UBTD2: variants seen among roughly 807,000 people sequenced by gnomAD.
UBTD2 encodes ubiquitin domain containing 2.
Under a neutral mutation model 19.8 loss-of-function variants are expected in UBTD2, and 9 were observed. That is an observed-to-expected ratio of 0.46 (90% confidence interval 0.27 to 0.79). UBTD2 has a LOEUF of 0.79. UBTD2 is among the 30% of genes least tolerant of loss of function. The probability of loss-of-function intolerance (pLI) is 0.14; values close to 1 mark genes in which losing one functional copy is unlikely to be tolerated. For missense variants in UBTD2, 250 were observed against 300.4 expected (o/e 0.83, Z 1.24); for synonymous variants, 98 against 103.9 (o/e 0.94, Z 0.35).
rs551035621 is a variant in UBTD2 at position 172,283,210 on chromosome 5, G to C, written c.70+386C>G. 2.6e-5 allele frequency among the ~76,000 whole-genome samples: 4 copies of C among 152,074 alleles called. No individual in the cohort carries two copies. Among genetic ancestry groups the C allele is most frequent in the Non-Finnish European group, 4.4e-5 (3 of 68,004 alleles). On this transcript the variant is annotated intron_variant, in intron 1 of 2. Coordinates refer to ENST00000393792, the MANE Select transcript of UBTD2 (RefSeq NM_152277.3). The surrounding 1 kb of genome is among the most constrained non-coding windows in gnomAD (Gnocchi z 4.3). ...TGTGGCGGGGCCCGTCGGAGGGAAC[G>C]CATCAAGCTCCCTCCCCCCGCCATC...
intron 1 of UBTD2, among the ~76,000 whole-genome samples, chr5:172,241,142 G>A (rs958504946): frequency 6.6e-6 from 1 of 151,752 alleles, no homozygotes; most frequent in African/African-American, 2.4e-5. Context: ...GGCCGGGCAC[G>A]GTGGCTCACA....
intron 1 of UBTD2, among the ~76,000 whole-genome samples, chr5:172,269,729 C>T (rs1010692532): frequency 6.0e-5 from 8 of 133,138 alleles, no homozygotes; most frequent in Admixed American, 1.5e-4. Context: ...CAAACATATA[C>T]ATGTGCATGT....
intron 1 of UBTD2, among the ~76,000 whole-genome samples, chr5:172,271,992 T>C (rs547234406): frequency 1.9e-4 from 29 of 152,338 alleles, no homozygotes; most frequent in African/African-American, 5.8e-4. Flanking sequence ...GTAAATATAA[T>C]TATGACCTCA....
At position 172,283,395 on chromosome 5, in the gene UBTD2, G is replaced by C. The variant is rs1190547154; in HGVS notation, c.70+201C>G. Among the ~76,000 whole-genome samples the C allele has an allele frequency of 6.6e-6, 1 of 152,124 alleles. No homozygotes were observed. Among genetic ancestry groups the C allele is most frequent in the Non-Finnish European group, 1.5e-5 (1 of 67,998 alleles). On this transcript the variant is annotated intron_variant, in intron 1 of 2. Transcript: ENST00000393792. This position sits in a 1 kb window ranked among gnomAD's most constrained non-coding sequence, Gnocchi z 4.3. ...AAGGGCTACGTCCCCGGCGCTCAGA[G>C]GACTTTTCTTCAGGGCTGGGGCGGG... is the stretch of plus-strand genomic sequence containing the variant.
chr5:172,276,523 C>T (rs1210203296), intron 1 of UBTD2, among the ~76,000 whole-genome samples: 3 of 152,176 alleles, frequency 2.0e-5, no homozygotes, highest in African/African-American at 7.2e-5. Context: ...CCAAACAAAG[C>T]ATGTTTGTTG....
Position 172,211,725 on chromosome 5 carries a change from G to C in UBTD2, c.*105C>G. 8.1e-7 allele frequency: 1 copy of C among 1,240,664 alleles called. No homozygotes were observed. The highest frequency in any genetic ancestry group is 1.5e-5 in the African/African-American group (1 of 66,530). The allele number at this position is 1,240,664 out of a possible 1,614,324, so 76.9% of individuals were successfully genotyped here. On this transcript the variant is annotated 3_prime_UTR_variant, in exon 3 of 3. Transcript: ENST00000393792. Reference sequence around the variant, plus strand: ...TCCTCAGAACTAAATCCATTCATAGGGAATTTAGAGCAGTGAAATAGATTT... The same window carrying C: ...TCCTCAGAACTAAATCCATTCATAGCGAATTTAGAGCAGTGAAATAGATTT...
chr5:172,218,558 A>G (rs1259330580), intron 2 of UBTD2, among the ~76,000 whole-genome samples: 1 of 152,032 alleles, frequency 6.6e-6, no homozygotes, highest in Admixed American at 6.5e-5. Context: ...CAAGGCAGGT[A>G]GATTGCTTGA....
At chr5:172,266,058 C>T (rs1488503033) in intron 1 of UBTD2, among the ~76,000 whole-genome samples, 6 of 151,922 alleles carry the variant, frequency 3.9e-5, no homozygotes, top group Admixed American at 1.3e-4. Flanking sequence ...CTCAGCCTCC[C>T]GAGTAGCTGG....
In UBTD2 at chr5:172,212,243, A is replaced by G. The variant is rs774622275; in HGVS notation, c.308-16T>C. 1.9e-6 allele frequency: 3 copies of G among 1,569,576 alleles called. No homozygotes were observed. The highest frequency in any genetic ancestry group is 1.9e-5 in the Admixed American group (1 of 53,036). ...GTAAGTGCACCTTCAGAAAGAGAAG[A>G]TATGAATAAGAACTTAATCCTTAAT... On this transcript the variant is annotated splice_polypyrimidine_tract_variant and intron_variant, in intron 2 of 2. Transcript: ENST00000393792.
At chr5:172,272,444 G>GT (rs1755509190) in intron 1 of UBTD2, among the ~76,000 whole-genome samples, 1 of 152,214 alleles carries the variant, frequency 6.6e-6, no homozygotes, top group Admixed American at 6.5e-5. Context: ...GGAGAAGCAG[G>GT]TGCAGTGGCC....
At chr5:172,244,409 G>T (rs1772198586) in intron 1 of UBTD2, among the ~76,000 whole-genome samples, 1 of 148,486 alleles carries the variant, frequency 6.7e-6, no homozygotes, top group South Asian at 2.1e-4. Flanking sequence ...CAATTCTCCT[G>T]CCTCAGCCTC....
At chr5:172,225,567 T>C (rs1205498598) in intron 2 of UBTD2, among the ~76,000 whole-genome samples, 5 of 152,140 alleles carry the variant, frequency 3.3e-5, no homozygotes, top group Non-Finnish European at 5.9e-5. Context: ...TGCAGCTCAG[T>C]GTTAAAAATT....
At chr5:172,253,525 C>T (rs1476845988) in intron 1 of UBTD2, among the ~76,000 whole-genome samples, 3 of 151,510 alleles carry the variant, frequency 2.0e-5, no homozygotes, top group African/African-American at 7.3e-5. Flanking sequence ...GGGATCTCCA[C>T]TCACTGCAAC....
In UBTD2 at chr5:172,274,822, T is replaced by C. The variant is rs141352087; in HGVS notation, c.70+8774A>G. 9.7e-3 allele frequency among the ~76,000 whole-genome samples: 1,478 copies of C among 152,070 alleles called. 35 individuals carry two copies. The highest frequency in any genetic ancestry group is 0.034 in the African/African-American group (1,401 of 41,486). On this transcript the variant is annotated intron_variant, in intron 1 of 2. Transcript: ENST00000393792. Reference sequence around the variant, plus strand: ...TTGGGTGGCCGAGGTGGGCGGATCATGAGGTCAGGAGATTGAGACCATCCT... The same window carrying C: ...TTGGGTGGCCGAGGTGGGCGGATCACGAGGTCAGGAGATTGAGACCATCCT...
At chr5:172,251,465 CAA>C (rs59810255) in intron 1 of UBTD2, among the ~76,000 whole-genome samples, 48 of 91,938 alleles carry the variant, frequency 5.2e-4, no homozygotes, top group South Asian at 2.3e-3. Context: ...TCAAACTGTC[CAA>C]AAAAAAAAAA....
At chr5:172,280,034 G>A (rs1379893948) in intron 1 of UBTD2, among the ~76,000 whole-genome samples, 5 of 152,036 alleles carry the variant, frequency 3.3e-5, no homozygotes, top group Non-Finnish European at 2.9e-5. Context: ...CCGGGAGGGC[G>A]GAGTTTGCAG....
intron 1 of UBTD2, among the ~76,000 whole-genome samples, chr5:172,258,420 G>A (rs1335349396): frequency 2.0e-5 from 3 of 152,334 alleles, no homozygotes; most frequent in South Asian, 2.1e-4. Context: ...GTCAGGTAGT[G>A]TGATGCTTTC....
chr5:172,244,414 A>G (rs928288158), intron 1 of UBTD2, among the ~76,000 whole-genome samples: 6 of 150,010 alleles, frequency 4.0e-5, no homozygotes, highest in Non-Finnish European at 7.4e-5. Flanking sequence ...CTCCTGCCTC[A>G]GCCTCCGGGG....
intron 1 of UBTD2, chr5:172,254,597 A>G: frequency 3.1e-6 from 2 of 643,202 alleles, no homozygotes; most frequent in South Asian, 1.8e-5. Context: ...GGGAGCTTTT[A>G]GCGTACACTT....
Sources: allele counts gnomAD v4.1 joint callset (sites outside exome capture counted in the v4.1 genomes callset), GRCh38; gene constraint gnomAD v4.1.1; non-coding constraint Gnocchi (gnomAD v3.1); transcripts MANE v1.5; gene names NCBI Gene and HGNC (gene_info 2026-07-23, HGNC 2026-07-21).